The following OR7D2 variants were observed in gnomAD, a reference collection of about 807,000 sequenced individuals.
OR7D2 encodes the protein olfactory receptor family 7 subfamily D member 2.
For missense variants in OR7D2, 370 were observed against 384.1 expected, an observed-to-expected ratio of 0.96 and a Z score of 0.31; for synonymous variants, 158 against 158.7, an observed-to-expected ratio of 1.00 and a Z score of 0.03.
In OR7D2 at chr19:9,187,491, C is replaced by CT. The variant is rs201359716; in HGVS notation, c.*778dup. On this transcript the variant is annotated 3_prime_UTR_variant, in exon 3 of 3. Transcript: ENST00000641288. ...CATATGTAGATACATACCATGTTTT[C>CT]TTTTTTTAAAAAAATTTATTTTTAT... The CT allele has an allele frequency of 0.019, 2,845 of 148,796 alleles. 89 individuals carry two copies. Among genetic ancestry groups the CT allele is most frequent in the African/African-American group, 0.099 (2,706 of 27,298 alleles). The allele number at this position is 148,796 out of a possible 1,614,324, so 9.2% of individuals were successfully genotyped here.
rs971320848 is a variant in OR7D2 at position 9,188,807 on chromosome 19, T to C, written c.*2087T>C. The stretch of plus-strand genomic sequence containing the variant: ...CTGGATGAAGTATGATTAAAATACG[T>C]ATTTAAATATAGCTGGTTATATCTC... On this transcript the variant is annotated 3_prime_UTR_variant, in exon 3 of 3. Transcript: ENST00000641288. The C allele has an allele frequency of 6.0e-6, 1 of 166,876 alleles. No homozygotes were observed. Among genetic ancestry groups the C allele is most frequent in the Non-Finnish European group, 1.5e-5 (1 of 68,140 alleles). 10.3% of individuals were successfully genotyped at this position (166,876 alleles called of 1,614,324 possible).
At chr19:9,182,514 T>TATC (rs1364555498) in intron 2 of OR7D2, 85 of 204,508 alleles carry the variant, frequency 4.2e-4, no homozygotes, top group African/African-American at 1.9e-3. Context: ...ATTTATTTAT[T>TATC]ATCATTATTA....
chr19:9,185,678 G>A lies in OR7D2; in HGVS notation c.-13-91G>A, dbSNP rs2051024979. The stretch of plus-strand genomic sequence containing the variant: ...AGCTCCCTGCAGTTGCAAATTCCTG[G>A]GCTCAAGTGATCCTTCCATCTCAGC... On this transcript the variant is annotated intron_variant, in intron 2 of 2. Coordinates refer to ENST00000641288, the MANE Select transcript of OR7D2 (RefSeq NM_175883.4). The A allele has an allele frequency of 5.4e-6, 4 of 743,630 alleles. No homozygotes were observed. The East Asian group carries it at 1.1e-4, about 20-fold the overall frequency. 46.1% of individuals were successfully genotyped at this position (743,630 alleles called of 1,614,324 possible). A position where few individuals can be genotyped will look rare whatever the true frequency, so the allele number is the denominator to read the frequency against.
Position 9,186,682 on chromosome 19 carries a change from C to G in OR7D2, c.901C>G (p.Leu301Val), listed in dbSNP as rs983686626. The G allele has an allele frequency of 6.8e-6, 11 of 1,613,306 alleles. No homozygotes were observed. The East Asian group carries it at 2.2e-4, about 33-fold the overall frequency. The change falls in exon 3 of 3, where the codon CTG (leucine) becomes GTG (valine). Residue 301 changes from leucine (L) to valine (V), a missense_variant. Transcript: ENST00000641288. ...GAGGAACAAGGATGTGAAGGGAGCC[C>G]TGGGGAGTCTCCTCAGCAGGGCAGC... is the stretch of plus-strand genomic sequence containing the variant. Reference protein sequence around the residue: ...SLRNKDVKGALGSLLSRAASC... With the variant: ...SLRNKDVKGAVGSLLSRAASC...
At chr19:9,183,886 G>GA (rs1568322619) in intron 2 of OR7D2, among the ~76,000 whole-genome samples, 1 of 141,694 alleles carries the variant, frequency 7.1e-6, no homozygotes, top group African/African-American at 2.6e-5. Flanking sequence ...GAACCCCAGG[G>GA]GGCGGAGCCT....
intron 2 of OR7D2, among the ~76,000 whole-genome samples, chr19:9,184,705 G>A (rs1313006206): frequency 1.3e-5 from 2 of 151,990 alleles, no homozygotes; most frequent in Non-Finnish European, 2.9e-5. Flanking sequence ...ATATGTATAT[G>A]TACATTTGTG....
rs939598143 is a variant in OR7D2, at chr19:9,187,173, A to T, written c.*453A>T. ...TGCCTTGGCCTCTCAAAGTGCTGGG[A>T]TTACAGGTGTGAGCCACCACGCCCG... On this transcript the variant is annotated 3_prime_UTR_variant, in exon 3 of 3. Transcript: ENST00000641288. 1 of 168,604 alleles carries T rather than the reference A, an allele frequency of 5.9e-6. No individual in the cohort carries two copies. Among genetic ancestry groups the T allele is most frequent in the Non-Finnish European group, 1.4e-5 (1 of 69,958 alleles). 10.4% of individuals were successfully genotyped at this position (168,604 alleles called of 1,614,324 possible).
At position 9,186,796 on chromosome 19, in the gene OR7D2, C is replaced by T; in HGVS notation, c.*76C>T. 1 of 1,019,150 alleles carries T rather than the reference C, an allele frequency of 9.8e-7. No homozygotes were observed. The highest frequency in any genetic ancestry group is 2.6e-5 in the East Asian group (1 of 38,390). The allele number at this position is 1,019,150 out of a possible 1,614,324, so 63.1% of individuals were successfully genotyped here. ...AATGTTTTATTTTGAAATTCTTACTCTTTAAAATTAAAAACATTTTTTTAT... is the reference window on the plus strand; with the variant it reads ...AATGTTTTATTTTGAAATTCTTACTTTTTAAAATTAAAAACATTTTTTTAT... On this transcript the variant is annotated 3_prime_UTR_variant, in exon 3 of 3. Coordinates refer to ENST00000641288, the MANE Select transcript of OR7D2 (RefSeq NM_175883.4).
At chr19:9,181,316 T>G (rs1423738653) in intron 2 of OR7D2, among the ~76,000 whole-genome samples, 1 of 151,072 alleles carries the variant, frequency 6.6e-6, no homozygotes, top group Admixed American at 6.6e-5. Context: ...TTTTATTTTT[T>G]TATTTCTTCT....
intron 2 of OR7D2, among the ~76,000 whole-genome samples, chr19:9,183,813 C>T (rs894708933): frequency 4.7e-5 from 7 of 148,616 alleles, no homozygotes; most frequent in Admixed American, 2.0e-4. Flanking sequence ...AAAAATTAGC[C>T]GGGCGAGGTG....
chr19:9,179,322 T>C (rs1195403058), intron 1 of OR7D2, among the ~76,000 whole-genome samples, 199 bp downstream of exon 1: 1 of 152,108 alleles, frequency 6.6e-6, no homozygotes, highest in East Asian at 1.9e-4. Context: ...GGCGGATCGC[T>C]TGAGGCCAGG....
chr19:9,187,760 A>G lies in OR7D2; in HGVS notation c.*1040A>G, dbSNP rs2051049217. Reference sequence around the variant, plus strand: ...CGATATGTTCATATGGATCTTATGTATGTTGGTTGAACATACAAACAAGTC... The same window carrying G: ...CGATATGTTCATATGGATCTTATGTGTGTTGGTTGAACATACAAACAAGTC... On this transcript the variant is annotated 3_prime_UTR_variant, in exon 3 of 3. Coordinates refer to ENST00000641288, the MANE Select transcript of OR7D2 (RefSeq NM_175883.4). The G allele has an allele frequency of 6.0e-6, 1 of 166,872 alleles. No individual in the cohort carries two copies. The highest frequency in any genetic ancestry group is 2.4e-5 in the African/African-American group (1 of 41,452). The allele number at this position is 166,872 out of a possible 1,614,324, so 10.3% of individuals were successfully genotyped here.
intron 2 of OR7D2, among the ~76,000 whole-genome samples, chr19:9,183,387 C>T (rs958146710): frequency 3.9e-5 from 6 of 152,112 alleles, no homozygotes; most frequent in Non-Finnish European, 7.4e-5. Flanking sequence ...GCGATCCTCC[C>T]GCCTCAGCCT....
rs570547067 is a variant in OR7D2 at position 9,182,533 on chromosome 19, T to A, written c.-14+1745T>A. Reference sequence around the variant, plus strand: ...ATTTATTATCATTATTATTATTATTTTTGAGACGGAGTCTCGCTCTCTCGC... The same window carrying A: ...ATTTATTATCATTATTATTATTATTATTGAGACGGAGTCTCGCTCTCTCGC... On this transcript the variant is annotated intron_variant, in intron 2 of 2. Transcript: ENST00000641288. The A allele has an allele frequency of 4.5e-5, 7 of 154,252 alleles. No homozygotes were observed. In the East Asian group the frequency reaches 1.3e-3, roughly 29 times the overall value. 9.6% of individuals were successfully genotyped at this position (154,252 alleles called of 1,614,324 possible).
At position 9,186,728 on chromosome 19, in the gene OR7D2, C is replaced by A; in HGVS notation, c.*8C>A. ...GCAGCCTCTTGTTTGTGATGGATCC[C>A]TTGGCCCCAGGACTAAGAAGTTTTG... is the stretch of plus-strand genomic sequence containing the variant. On this transcript the variant is annotated 3_prime_UTR_variant, in exon 3 of 3. Coordinates refer to ENST00000641288, the MANE Select transcript of OR7D2 (RefSeq NM_175883.4). 1 of 1,571,862 alleles carries A rather than the reference C, an allele frequency of 6.4e-7. No individual in the cohort carries two copies. Among genetic ancestry groups the A allele is most frequent in the Non-Finnish European group, 8.6e-7 (1 of 1,160,862 alleles).
intron 1 of OR7D2, among the ~76,000 whole-genome samples, chr19:9,180,257 C>T (rs1003844207): frequency 6.6e-6 from 1 of 151,598 alleles, no homozygotes; most frequent in East Asian, 1.9e-4. Flanking sequence ...CTGCCTTGGC[C>T]TCCCAAGTAG....
rs548961229 is a variant in OR7D2 at position 9,180,793 on chromosome 19, G to T, written c.-14+5G>T. The stretch of plus-strand genomic sequence containing the variant: ...CTTGCCACAAAGAAACTTCAGGTTC[G>T]TCGGGCTTCATGGTGTATTTGTCTA... On this transcript the variant is annotated splice_donor_5th_base_variant and intron_variant, in intron 2 of 2. Coordinates refer to ENST00000641288, the MANE Select transcript of OR7D2 (RefSeq NM_175883.4). The T allele has an allele frequency of 1.8e-4, 27 of 151,930 alleles. No individual in the cohort carries two copies. The highest frequency in any genetic ancestry group is 3.4e-3 in the Middle Eastern group (1 of 294). The allele number at this position is 151,930 out of a possible 1,614,324, so 9.4% of individuals were successfully genotyped here.
intron 2 of OR7D2, among the ~76,000 whole-genome samples, chr19:9,183,742 G>A (rs2051008003): frequency 6.7e-6 from 1 of 150,200 alleles, no homozygotes. Context: ...CGGATCACGA[G>A]GTCAGGAGAT....
Position 9,185,988 on chromosome 19 carries a change from T to G in OR7D2, c.207T>G (p.Val69=), listed in dbSNP as rs56246934. ...TCTTCCTCTCCAACCTGTCCTGGGT[T>G]GACATCTGTTTCAGCACTTGCATCG... ...MYFFLSNLSW[V]DICFSTCIVP... Residue 69 remains valine (V), a synonymous_variant, in exon 3 of 3, where the codon GTT becomes GTG. Coordinates refer to ENST00000641288, the MANE Select transcript of OR7D2 (RefSeq NM_175883.4). 5.6e-6 allele frequency: 9 copies of G among 1,613,842 alleles called. No individual in the cohort carries two copies. Among genetic ancestry groups the G allele is most frequent in the Non-Finnish European group, 7.6e-6 (9 of 1,179,948 alleles).
Sources: allele counts gnomAD v4.1 joint callset (sites outside exome capture counted in the v4.1 genomes callset), GRCh38; gene constraint gnomAD v4.1.1; transcripts MANE v1.5; gene names NCBI Gene and HGNC (gene_info 2026-07-23, HGNC 2026-07-21).